HSPA12A: variants seen among roughly 807,000 people sequenced by gnomAD.
HSPA12A encodes heat shock protein family A (Hsp70) member 12A.
HSPA12A carries 28 observed loss-of-function variants against 69.2 expected under a neutral mutation model. The observed-to-expected ratio is 0.40, with a 90% confidence interval of 0.30 to 0.55. The LOEUF (loss-of-function observed/expected upper bound fraction) is 0.55, where lower values mean the gene tolerates loss of function less well. Ranked by LOEUF, HSPA12A falls within the 20% of genes least tolerant of loss-of-function variation. HSPA12A has a pLI of 0.38. For missense variants in HSPA12A, 686 were observed against 900.7 expected (o/e 0.76, Z 3.05); for synonymous variants, 345 against 370.5 (o/e 0.93, Z 0.79).
intron 1 of HSPA12A, among the ~76,000 whole-genome samples, chr10:116,713,487 G>C (rs1324798139): frequency 6.6e-6 from 1 of 152,090 alleles, no homozygotes; most frequent in Non-Finnish European, 1.5e-5. Flanking sequence ...GCCAAGTTGG[G>C]GGCAGCATCA....
chr10:116,691,462 T>C (rs1395230653), intron 6 of HSPA12A, among the ~76,000 whole-genome samples: 1 of 152,110 alleles, frequency 6.6e-6, no homozygotes, highest in African/African-American at 2.4e-5. Flanking sequence ...CTGAGAGTCA[T>C]GACAGTGGGG....
intron 2 of HSPA12A, among the ~76,000 whole-genome samples, chr10:116,775,315 C>T (rs1041160678): frequency 3.9e-5 from 6 of 152,144 alleles, no homozygotes; most frequent in Non-Finnish European, 5.9e-5. Context: ...GCCAGTGAGA[C>T]GGGAGCCTGG....
intron 2 of HSPA12A, among the ~76,000 whole-genome samples, chr10:116,783,774 C>A (rs1315806463): frequency 2.6e-5 from 4 of 152,194 alleles, no homozygotes; most frequent in Admixed American, 2.6e-4. Context: ...AGTGCAATGG[C>A]TCACTGCAAC....
chr10:116,769,266 G>A (rs936359028), intron 2 of HSPA12A, among the ~76,000 whole-genome samples: 2 of 152,216 alleles, frequency 1.3e-5, no homozygotes, highest in Admixed American at 1.3e-4. Flanking sequence ...AGACTAAGGT[G>A]TGGGCTTGGT....
Position 116,710,771 on chromosome 10 carries a change from C to T in HSPA12A, c.41-3486G>A, listed in dbSNP as rs1850399543. Reference sequence around the variant, plus strand: ...CCCACATCTATATATCTGTATATTCCAAATCAAAGATAATTCACCAGCGAA... The same window carrying T: ...CCCACATCTATATATCTGTATATTCTAAATCAAAGATAATTCACCAGCGAA... On this transcript the variant is annotated intron_variant, in intron 1 of 11. Transcript: ENST00000369209. The surrounding 1 kb of genome is among the most constrained non-coding windows in gnomAD (Gnocchi z 4.1). 6.6e-6 allele frequency among the ~76,000 whole-genome samples: 1 copy of T among 152,116 alleles called. No homozygotes were observed. Among genetic ancestry groups the T allele is most frequent in the Admixed American group, 6.5e-5 (1 of 15,270 alleles).
chr10:116,786,989 CACACACACACACACACACAT>C (rs1237809324), intron 2 of HSPA12A, among the ~76,000 whole-genome samples: 1 of 63,320 alleles, frequency 1.6e-5, no homozygotes, highest in African/African-American at 3.8e-5. Flanking sequence ...CCCGGACACA[CACACACACACACACACACAT>C]ACACACACGC....
intron 1 of HSPA12A, among the ~76,000 whole-genome samples, chr10:116,711,779 T>C (rs1850439598): frequency 6.7e-6 from 1 of 150,258 alleles, no homozygotes; most frequent in South Asian, 2.1e-4. Flanking sequence ...TTCTCCTGCC[T>C]CAGCCTCCCG....
At chr10:116,771,082 T>C (rs1398487289) in intron 2 of HSPA12A, among the ~76,000 whole-genome samples, 1 of 151,832 alleles carries the variant, frequency 6.6e-6, no homozygotes, top group Non-Finnish European at 1.5e-5. Context: ...GGGCCTCAGT[T>C]TGCAAACCCT....
intron 1 of HSPA12A, among the ~76,000 whole-genome samples, chr10:116,726,527 C>A (rs10886006): frequency 6.6e-6 from 1 of 151,842 alleles, no homozygotes; most frequent in Non-Finnish European, 1.5e-5. Context: ...CCTACCACCC[C>A]CCTTGTGAGT....
At chr10:116,789,338 A>C (rs1246637285) in intron 2 of HSPA12A, among the ~76,000 whole-genome samples, 1 of 152,182 alleles carries the variant, frequency 6.6e-6, no homozygotes, top group Non-Finnish European at 1.5e-5. Context: ...AGACATATAT[A>C]GATATATATG....
chr10:116,686,237 C>G lies in HSPA12A; in HGVS notation c.664-2275G>C, dbSNP rs1849572798. 6.6e-6 allele frequency among the ~76,000 whole-genome samples: 1 copy of G among 152,172 alleles called. No homozygotes were observed. Among genetic ancestry groups the G allele is most frequent in the Non-Finnish European group, 1.5e-5 (1 of 68,030 alleles). On this transcript the variant is annotated intron_variant, in intron 6 of 11. Transcript: ENST00000369209. This position sits in a 1 kb window ranked among gnomAD's most constrained non-coding sequence, Gnocchi z 4.1. ...GGTGCCCTCGGGAAAGGTGAAACCTCTGAGCCTGGATCCCAAGGGGTCGGG... is the reference window on the plus strand; with the variant it reads ...GGTGCCCTCGGGAAAGGTGAAACCTGTGAGCCTGGATCCCAAGGGGTCGGG...
At chr10:116,701,247 T>G in intron 3 of HSPA12A, 118 bp from the exon 4 acceptor site, 2 of 914,464 alleles carry the variant, frequency 2.2e-6, no homozygotes, top group Non-Finnish European at 3.4e-6. Context: ...CCAGAGGCAC[T>G]CTGCTTCAGC....
chr10:116,841,522 A>AT (rs1223021385), intron 1 of HSPA12A, among the ~76,000 whole-genome samples: 2 of 152,156 alleles, frequency 1.3e-5, no homozygotes, highest in African/African-American at 4.8e-5. Flanking sequence ...AATTCAATCT[A>AT]TTTTTTAACA....
intron 1 of HSPA12A, among the ~76,000 whole-genome samples, chr10:116,838,170 G>C (rs551519873): frequency 1.3e-5 from 2 of 152,042 alleles, no homozygotes; most frequent in Non-Finnish European, 2.9e-5. Flanking sequence ...GCACAGGAAA[G>C]TGGGTTGAAT....
intron 1 of HSPA12A, among the ~76,000 whole-genome samples, chr10:116,724,195 T>C (rs1850874572): frequency 1.3e-5 from 2 of 152,112 alleles, no homozygotes; most frequent in African/African-American, 2.4e-5. Flanking sequence ...GTCACAGATA[T>C]TTCCAGGGCA....
chr10:116,844,956 C>T (rs1051452722), intron 1 of HSPA12A, among the ~76,000 whole-genome samples: 2 of 152,144 alleles, frequency 1.3e-5, no homozygotes, highest in Non-Finnish European at 2.9e-5. Flanking sequence ...GTGTTAACTT[C>T]CTCTATGAAG....
chr10:116,848,457 G>A (rs1845944015), intron 1 of HSPA12A, among the ~76,000 whole-genome samples: 1 of 152,154 alleles, frequency 6.6e-6, no homozygotes, highest in African/African-American at 2.4e-5. Flanking sequence ...TAAGTGACTC[G>A]GGAAACAGGC....
chr10:116,802,151 T>G (rs2133169371), intron 2 of HSPA12A, among the ~76,000 whole-genome samples: 1 of 152,276 alleles, frequency 6.6e-6, no homozygotes, highest in Middle Eastern at 3.4e-3. Flanking sequence ...GCTTACAAAA[T>G]GACCCGACCA....
Position 116,692,478 on chromosome 10 carries a change from G to A in HSPA12A, c.547-11C>T. The A allele has an allele frequency of 6.2e-7, 1 of 1,607,296 alleles. No individual in the cohort carries two copies. Among genetic ancestry groups the A allele is most frequent in the Non-Finnish European group, 8.5e-7 (1 of 1,173,974 alleles). On this transcript the variant is annotated splice_polypyrimidine_tract_variant and intron_variant, in intron 5 of 11. Transcript: ENST00000369209. ...CTGGTCACTCAGCTCCTGAAGCCAA[G>A]GGAAAGAAATGCAACAGGTCAAGTG... is the stretch of plus-strand genomic sequence containing the variant.
Sources: allele counts gnomAD v4.1 joint callset (sites outside exome capture counted in the v4.1 genomes callset), GRCh38; gene constraint gnomAD v4.1.1; non-coding constraint Gnocchi (gnomAD v3.1); transcripts MANE v1.5; gene names NCBI Gene and HGNC (gene_info 2026-07-23, HGNC 2026-07-21).